CWH43: variants seen among roughly 807,000 people sequenced by gnomAD.
CWH43 encodes the protein cell wall biogenesis 43 C-terminal homolog.
A neutral mutation model predicts 85.7 loss-of-function variants in CWH43; 91 were observed. That is an observed-to-expected ratio of 1.06 (90% CI 0.90 to 1.26). CWH43 has a LOEUF of 1.26. Among genes scored for constraint, CWH43 ranks in the 50% most tolerant of loss-of-function variants. The pLI, the probability that CWH43 is intolerant of heterozygous loss-of-function variation, is 0.00. For missense variants in CWH43, 869 were observed against 839.2 expected (o/e 1.04, Z -0.44); for synonymous variants, 323 against 293.6 (o/e 1.10, Z -1.02).
intron 6 of CWH43, among the ~76,000 whole-genome samples, chr4:48,999,287 G>A (rs1178084295): frequency 1.3e-5 from 2 of 152,132 alleles, no homozygotes; most frequent in African/African-American, 4.8e-5. Flanking sequence ...AGTATTCCAT[G>A]GTGTATATTA....
At chr4:48,998,803 A>G (rs1004886331) in intron 6 of CWH43, among the ~76,000 whole-genome samples, 1 of 152,164 alleles carries the variant, frequency 6.6e-6, no homozygotes, top group African/African-American at 2.4e-5. Flanking sequence ...CTACACTGCC[A>G]TAATACTACC....
Position 49,028,734 on chromosome 4 carries a change from G to A in CWH43, c.1372G>A (p.Gly458Ser). The A allele has an allele frequency of 3.8e-6, 6 of 1,586,438 alleles. No individual in the cohort carries two copies. The highest frequency in any genetic ancestry group is 4.3e-6 in the Non-Finnish European group (5 of 1,156,426). Residue 458 changes from glycine (G) to serine (S), a missense_variant and splice_region_variant, in exon 10 of 16, where the codon GGT becomes AGT. Gly to Ser is a moderately conservative substitution (Grantham distance 56). Transcript: ENST00000226432. Reference sequence around the variant, plus strand: ...ATCAGCTCACCTGCTCAATGAAACAGGTAAGTCTTCCTGGAATTAGTTCCA... The same window carrying A: ...ATCAGCTCACCTGCTCAATGAAACAAGTAAGTCTTCCTGGAATTAGTTCCA... ...ERSAHLLNET[G>S]ADFITILESD...
intron 13 of CWH43, among the ~76,000 whole-genome samples, chr4:49,044,240 G>A (rs999708377): frequency 1.3e-5 from 2 of 152,078 alleles, no homozygotes; most frequent in African/African-American, 4.8e-5. Context: ...ACTCATGATT[G>A]CTCCCCAGAT....
chr4:48,987,388 G>T (rs1577646088), intron 1 of CWH43, among the ~76,000 whole-genome samples: 1 of 152,094 alleles, frequency 6.6e-6, no homozygotes, highest in Non-Finnish European at 1.5e-5. Context: ...ATTAAGAAGG[G>T]GAGGTTGGAA....
chr4:48,986,484 C>T lies in CWH43; in HGVS notation c.43+12C>T, dbSNP rs1782498664. Reference sequence around the variant, plus strand: ...GGAGTCGCTGCTGGGTAAGCCGAAGCCCCTCGCCGCGAGTTCGCGGGTGCC... The same window carrying T: ...GGAGTCGCTGCTGGGTAAGCCGAAGTCCCTCGCCGCGAGTTCGCGGGTGCC... On this transcript the variant is annotated intron_variant, in intron 1 of 15. Coordinates refer to ENST00000226432, the MANE Select transcript of CWH43 (RefSeq NM_025087.3). 1 of 1,552,886 alleles carries T rather than the reference C, an allele frequency of 6.4e-7. No individual in the cohort carries two copies.
intron 15 of CWH43, among the ~76,000 whole-genome samples, chr4:49,055,715 G>A (rs1337185575): frequency 2.0e-5 from 3 of 151,548 alleles, no homozygotes; most frequent in Non-Finnish European, 4.4e-5. Flanking sequence ...TCAGCCTCCT[G>A]AGTAGCTGCG....
intron 15 of CWH43, among the ~76,000 whole-genome samples, chr4:49,058,258 T>C (rs533529743): frequency 6.6e-6 from 1 of 152,288 alleles, no homozygotes; most frequent in East Asian, 1.9e-4. Flanking sequence ...GTGTATCTAC[T>C]ATAGGTTTTT....
intron 8 of CWH43, among the ~76,000 whole-genome samples, chr4:49,013,194 C>T (rs1158218366): frequency 6.6e-6 from 1 of 152,258 alleles, no homozygotes; most frequent in Non-Finnish European, 1.5e-5. Context: ...CTAGCCTCAG[C>T]AATGGCAGAT....
At chr4:49,037,949 A>G (rs1784309748) in intron 12 of CWH43, 87 bp from the exon 13 acceptor site, 1 of 1,158,060 alleles carries the variant, frequency 8.6e-7, no homozygotes, top group Admixed American at 2.3e-5. Context: ...CACTATATGC[A>G]GATAGTCTTT....
intron 15 of CWH43, among the ~76,000 whole-genome samples, chr4:49,060,657 C>T (rs1391933121): frequency 6.6e-6 from 1 of 152,148 alleles, no homozygotes; most frequent in Non-Finnish European, 1.5e-5. Flanking sequence ...GTCCTTCTTA[C>T]CCTTCTCAAT....
In CWH43 at chr4:49,062,055, T is replaced by G. The variant is rs1399707075; in HGVS notation, c.*165T>G. On this transcript the variant is annotated 3_prime_UTR_variant, in exon 16 of 16. Transcript: ENST00000226432. Reference sequence around the variant, plus strand: ...AATTACCTCCATTTGTAAACTATGTTGCTTAATAAAAACATTTCTCTAAAT... The same window carrying G: ...AATTACCTCCATTTGTAAACTATGTGGCTTAATAAAAACATTTCTCTAAAT... The G allele has an allele frequency of 5.2e-6, 2 of 382,768 alleles. No individual in the cohort carries two copies. Among genetic ancestry groups the G allele is most frequent in the Non-Finnish European group, 8.5e-6 (2 of 236,424 alleles). 23.7% of individuals were successfully genotyped at this position (382,768 alleles called of 1,614,324 possible).
intron 1 of CWH43, 35 bp from the exon 2 acceptor site, chr4:48,988,442 A>G (rs775183564): frequency 1.0e-5 from 15 of 1,495,180 alleles, no homozygotes; most frequent in Non-Finnish European, 2.7e-6. Flanking sequence ...TGTTGAAGTT[A>G]CACTTTCTCT....
intron 13 of CWH43, among the ~76,000 whole-genome samples, chr4:49,043,404 AGTGTGTG>A (rs1784528052): frequency 6.6e-6 from 1 of 152,128 alleles, no homozygotes; most frequent in Non-Finnish European, 1.5e-5. Context: ...TGTGCACGTG[AGTGTGTG>A]TGAGGGATGT....
intron 5 of CWH43, 100 bp from the exon 6 acceptor site, chr4:48,998,360 C>T: frequency 1.1e-6 from 1 of 903,126 alleles, no homozygotes. Context: ...CACGTTATCT[C>T]TTATATGTAC....
At chr4:49,049,500 G>T (rs1036730914) in intron 14 of CWH43, among the ~76,000 whole-genome samples, 3 of 151,234 alleles carry the variant, frequency 2.0e-5, no homozygotes, top group Non-Finnish European at 2.9e-5. Context: ...AAACCCCTCT[G>T]ATGGATTCTT....
intron 9 of CWH43, among the ~76,000 whole-genome samples, chr4:49,020,416 C>CATATATATATAT (rs1553915061): frequency 7.8e-6 from 1 of 128,392 alleles, no homozygotes; most frequent in African/African-American, 2.7e-5. Context: ...CACACACACA[C>CATATATATATAT]ATATATATAT....
chr4:49,011,558 C>T lies in CWH43; in HGVS notation c.1186+4232C>T, dbSNP rs141514717. 4.3e-3 allele frequency among the ~76,000 whole-genome samples: 654 copies of T among 152,202 alleles called. 5 individuals carry two copies. Among genetic ancestry groups the T allele is most frequent in the Admixed American group, 6.4e-3 (98 of 15,266 alleles). ...AATTGGTGCAGTTTCTTCATAGCAT[C>T]GACGGTCCTTACAATTTGGCATGTT... On this transcript the variant is annotated intron_variant, in intron 8 of 15. Coordinates refer to ENST00000226432, the MANE Select transcript of CWH43 (RefSeq NM_025087.3).
rs753752746 is a variant in CWH43, at chr4:49,003,834, C to T, written c.902C>T (p.Thr301Ile). The T allele has an allele frequency of 2.5e-6, 4 of 1,614,020 alleles. No individual in the cohort carries two copies. The highest frequency in any genetic ancestry group is 1.1e-5 in the South Asian group (1 of 91,088). The change falls in exon 7 of 16, where the codon ACA becomes ATA. Residue 301 changes from threonine to isoleucine, a missense_variant. Thr to Ile is a moderately conservative substitution (Grantham distance 89, BLOSUM62 -1). Transcript: ENST00000226432. The stretch of plus-strand genomic sequence containing the variant: ...TTTACTGCATCCATGTGGCCCCAAA[C>T]ACTTGGACACCTTATTAACTCAGGG... ...AIFTASMWPQ[T>I]LGHLINSGTN...
At chr4:48,998,336 C>G in intron 5 of CWH43, 124 bp from the exon 6 acceptor site, 1 of 693,588 alleles carries the variant, frequency 1.4e-6, no homozygotes, top group South Asian at 1.8e-5. Context: ...CATGATCTCA[C>G]TGGTTGTTTC....
Sources: gnomAD v4.1 joint callset for allele counts (sites outside exome capture counted in the v4.1 genomes callset) on GRCh38, gnomAD v4.1.1 for gene constraint, MANE v1.5 for transcripts, NCBI Gene and HGNC (gene_info 2026-07-23, HGNC 2026-07-21) for gene names.